The following CDKAL1 variants were observed in gnomAD, a reference collection of about 807,000 sequenced individuals.
CDKAL1 encodes the protein CDKAL1 threonylcarbamoyladenosine tRNA methylthiotransferase.
In CDKAL1, 32 loss-of-function variants were observed where a neutral mutation model predicts 68.2. That is an observed-to-expected ratio of 0.47 (90% CI 0.35 to 0.63). CDKAL1 has a LOEUF of 0.63. Among genes scored for constraint, CDKAL1 ranks in the 30% least tolerant of loss-of-function variants. The pLI, the probability that CDKAL1 is intolerant of heterozygous loss-of-function variation, is 0.00. For missense variants in CDKAL1, 606 were observed against 696.7 expected, an observed-to-expected ratio of 0.87 and a Z score of 1.47; for synonymous variants, 234 against 244.3, an observed-to-expected ratio of 0.96 and a Z score of 0.39.
chr6:20,561,588 A>G (rs775366084), intron 4 of CDKAL1, among the ~76,000 whole-genome samples: 25 of 151,894 alleles, frequency 1.6e-4, no homozygotes, highest in Non-Finnish European at 3.7e-4. Flanking sequence ...TTAAATGAAG[A>G]TGGCAGTGGT....
intron 5 of CDKAL1, among the ~76,000 whole-genome samples, chr6:20,677,853 ATCT>A (rs1770189324): frequency 6.6e-6 from 1 of 152,190 alleles, no homozygotes; most frequent in Non-Finnish European, 1.5e-5. Flanking sequence ...GTTTTTAGAA[ATCT>A]TCTAATTTAG....
intron 14 of CDKAL1, among the ~76,000 whole-genome samples, chr6:21,200,189 C>G (rs1452942238): frequency 6.6e-6 from 1 of 152,208 alleles, no homozygotes; most frequent in African/African-American, 2.4e-5. Context: ...CACAAGCTAC[C>G]TGTGGGTCCC....
At chr6:20,783,023 G>A (rs1581571742) in intron 8 of CDKAL1, among the ~76,000 whole-genome samples, 1 of 151,820 alleles carries the variant, frequency 6.6e-6, no homozygotes, top group South Asian at 2.1e-4. Flanking sequence ...CTCTGCCTCC[G>A]GGTTCAAGTG....
chr6:20,673,485 GAC>G (rs1410022787), intron 5 of CDKAL1, among the ~76,000 whole-genome samples: 1 of 152,158 alleles, frequency 6.6e-6, no homozygotes, highest in African/African-American at 2.4e-5. Context: ...GTTTAGTACG[GAC>G]ACAGTTGTTT....
In CDKAL1 at chr6:21,157,669, T is replaced by G. The variant is rs1582321149; in HGVS notation, c.1300-40352T>G. ...ACCAAAATCAGTAGTTTGATAGTAC[T>G]TCTGTTTCATTATGACATACATCTA... On this transcript the variant is annotated intron_variant, in intron 13 of 15. Coordinates refer to ENST00000274695, the MANE Select transcript of CDKAL1 (RefSeq NM_017774.3). Among the ~76,000 whole-genome samples the G allele has an allele frequency of 2.0e-5, 3 of 152,356 alleles. No individual in the cohort carries two copies. In the South Asian group the frequency reaches 6.2e-4, roughly 32 times the overall value.
intron 9 of CDKAL1, among the ~76,000 whole-genome samples, chr6:20,851,017 G>A (rs1758980070): frequency 1.5e-5 from 1 of 67,378 alleles, no homozygotes; most frequent in Non-Finnish European, 3.5e-5. Flanking sequence ...CTGGTTTTCT[G>A]GCGTTTTTTT....
intron 5 of CDKAL1, among the ~76,000 whole-genome samples, chr6:20,681,791 G>T (rs1770388811): frequency 6.6e-6 from 1 of 152,122 alleles, no homozygotes; most frequent in Non-Finnish European, 1.5e-5. Context: ...TATCGATACT[G>T]CCTCCTTTCC....
intron 4 of CDKAL1, among the ~76,000 whole-genome samples, chr6:20,644,611 C>T (rs1169764832): frequency 6.6e-6 from 1 of 152,062 alleles, no homozygotes; most frequent in Non-Finnish European, 1.5e-5. Flanking sequence ...ACCCGGGAGG[C>T]AGAGCTTGCA....
rs140249932 is a variant in CDKAL1 at position 20,725,134 on chromosome 6, G to A, written c.372-14385G>A. On this transcript the variant is annotated intron_variant, in intron 5 of 15. Transcript: ENST00000274695. ...ATTCTGGAGTTTCCTCCCCACCCCC[G>A]CCTTTTTCTTTTCTCTCTTTCTCCC... Among the ~76,000 whole-genome samples the A allele has an allele frequency of 1.9e-3, 247 of 130,604 alleles. 3 individuals carry two copies. In the East Asian group the frequency reaches 0.048, roughly 26 times the overall value. 85.7% of individuals were successfully genotyped at this position (130,604 alleles called of 152,430 possible). A position where few individuals can be genotyped will look rare whatever the true frequency, so the allele number is the denominator to read the frequency against.
chr6:20,577,321 C>T (rs1020488529), intron 4 of CDKAL1, among the ~76,000 whole-genome samples: 1 of 152,198 alleles, frequency 6.6e-6, no homozygotes, highest in East Asian at 1.9e-4. Context: ...AGCTGCAGCC[C>T]TCCATGTAGG....
At chr6:21,179,689 A>G (rs1441004540) in intron 13 of CDKAL1, among the ~76,000 whole-genome samples, 1 of 152,196 alleles carries the variant, frequency 6.6e-6, no homozygotes, top group East Asian at 1.9e-4. Context: ...TTTTCCACAT[A>G]TACTTCAAGT....
chr6:20,655,454 G>T (rs1055797481), intron 5 of CDKAL1, among the ~76,000 whole-genome samples: 3 of 152,178 alleles, frequency 2.0e-5, no homozygotes, highest in African/African-American at 7.2e-5. Flanking sequence ...GGCTGTAGAC[G>T]TGTACTCGTC....
intron 4 of CDKAL1, among the ~76,000 whole-genome samples, chr6:20,604,751 T>C (rs910197315): frequency 6.6e-6 from 1 of 152,202 alleles, no homozygotes; most frequent in Admixed American, 6.5e-5. Context: ...AAGGATGGGG[T>C]TCTGTTTTAC....
At chr6:21,184,254 G>A (rs1777915791) in intron 13 of CDKAL1, among the ~76,000 whole-genome samples, 1 of 150,488 alleles carries the variant, frequency 6.6e-6, no homozygotes, top group Admixed American at 6.6e-5. Flanking sequence ...GAGTGCAATG[G>A]CACGACCTCG....
chr6:21,173,131 T>G (rs1777455300), intron 13 of CDKAL1, among the ~76,000 whole-genome samples: 1 of 151,894 alleles, frequency 6.6e-6, no homozygotes, highest in Non-Finnish European at 1.5e-5. Flanking sequence ...ACAACACCCT[T>G]CTTTCCTCCT....
chr6:20,684,832 T>C (rs1214536622), intron 5 of CDKAL1, among the ~76,000 whole-genome samples: 1 of 152,264 alleles, frequency 6.6e-6, no homozygotes, highest in African/African-American at 2.4e-5. Flanking sequence ...GAGGTGTCTG[T>C]CAAGGGCTTT....
At chr6:20,727,756 A>G (rs1250239863) in intron 5 of CDKAL1, among the ~76,000 whole-genome samples, 1 of 152,182 alleles carries the variant, frequency 6.6e-6, no homozygotes, top group Admixed American at 6.5e-5. Context: ...TTCTTATGCT[A>G]TAGTGGCATA....
At chr6:20,834,678 ATTG>A (rs1777856815) in intron 8 of CDKAL1, among the ~76,000 whole-genome samples, 1 of 152,090 alleles carries the variant, frequency 6.6e-6, no homozygotes, top group Non-Finnish European at 1.5e-5. Context: ...ACATTTCATC[ATTG>A]TTAATTTTTC....
intron 15 of CDKAL1, among the ~76,000 whole-genome samples, chr6:21,205,455 C>T (rs1395457467): frequency 6.6e-6 from 1 of 150,784 alleles, no homozygotes; most frequent in African/African-American, 2.5e-5. Flanking sequence ...ACATTCACAC[C>T]AACACTTATT....
Sources: gnomAD v4.1 joint callset for allele counts (sites outside exome capture counted in the v4.1 genomes callset) on GRCh38, gnomAD v4.1.1 for gene constraint, MANE v1.5 for transcripts, NCBI Gene and HGNC (gene_info 2026-07-23, HGNC 2026-07-21) for gene names.